Variants in PHLDB1 observed in about 807,000 individuals in gnomAD.
PHLDB1 encodes pleckstrin homology-like domain family B member 1.
Under a neutral mutation model 139.3 loss-of-function variants are expected in PHLDB1, and 65 were observed. The observed-to-expected ratio is 0.47, with a 90% CI of 0.38 to 0.57. The LOEUF is 0.57. PHLDB1 is among the 20% of genes least tolerant of loss of function. The pLI, the probability that PHLDB1 is intolerant of heterozygous loss-of-function variation, is 0.00. For missense variants in PHLDB1, 1,624 were observed against 1,839.7 expected (o/e 0.88, Z 2.14); for synonymous variants, 679 against 734.5 (o/e 0.92, Z 1.22).
chr11:118,628,003 A>G lies in PHLDB1; in HGVS notation c.1180A>G (p.Lys394Glu), dbSNP rs1490445739. 9 of 1,613,730 alleles carry G rather than the reference A, an allele frequency of 5.6e-6. No homozygotes were observed. The highest frequency in any genetic ancestry group is 6.8e-6 in the Non-Finnish European group (8 of 1,180,022). The part of the protein sequence containing the change: ...FQPPVPAPRN[K>E]IGTLQDRPPS... ...GCCTCCAGTCCCTGCTCCCCGAAAC[A>G]AGATTGGCACACTCCAGGACCGCCC... Residue 394 changes from lysine to glutamate, a missense_variant, in exon 6 of 23, where the codon AAG becomes GAG. Coordinates refer to ENST00000600882, the MANE Select transcript of PHLDB1 (RefSeq NM_001144758.3).
intron 6 of PHLDB1, 32 bp from the exon 7 acceptor site, chr11:118,631,175 C>A: frequency 7.2e-7 from 1 of 1,383,084 alleles, no homozygotes; most frequent in South Asian, 2.0e-5. Context: ...AGCTTCCTCC[C>A]CTTCATGTCC....
intron 4 of PHLDB1, among the ~76,000 whole-genome samples, chr11:118,619,473 C>G (rs558179049): frequency 3.3e-5 from 5 of 152,268 alleles, no homozygotes; most frequent in Admixed American, 3.3e-4. Flanking sequence ...CAACCTTTTT[C>G]TGTTATGAGA....
At position 118,656,567 on chromosome 11, in the gene PHLDB1, C is replaced by T. The variant is rs1315940401; in HGVS notation, c.3994-116C>T. The T allele has an allele frequency of 9.1e-6, 9 of 989,070 alleles. No individual in the cohort carries two copies. In the Admixed American group the frequency reaches 1.1e-4, roughly 12 times the overall value. The allele number at this position is 989,070 out of a possible 1,614,324, so 61.3% of individuals were successfully genotyped here. The stretch of plus-strand genomic sequence containing the variant: ...GTCTAGGCTCTGGACCTATTTAGGA[C>T]TAAGCTCCAGGGCTTTCTAGGGGCT... On this transcript the variant is annotated intron_variant, in intron 22 of 22. Transcript: ENST00000600882.
At chr11:118,639,459 A>T in intron 12 of PHLDB1, 15 of 550,248 alleles carry the variant, frequency 2.7e-5, no homozygotes, top group Non-Finnish European at 3.6e-5. Flanking sequence ...TGGGGTTCCC[A>T]GGAGCCTACA....
In PHLDB1 at chr11:118,645,947, G is replaced by A; in HGVS notation, c.3507+122G>A. 5.4e-6 allele frequency: 4 copies of A among 734,422 alleles called. No homozygotes were observed. The highest frequency in any genetic ancestry group is 9.8e-6 in the Non-Finnish European group (4 of 407,406). The allele number at this position is 734,422 out of a possible 1,614,324, so 45.5% of individuals were successfully genotyped here. A position where few individuals can be genotyped will look rare whatever the true frequency, so the allele number is the denominator to read the frequency against. On this transcript the variant is annotated intron_variant, in intron 17 of 22. Coordinates refer to ENST00000600882, the MANE Select transcript of PHLDB1 (RefSeq NM_001144758.3). This position sits in a 1 kb window ranked among gnomAD's most constrained non-coding sequence, Gnocchi z 5.1. ...CACATTAGCCTTGCCACATTCCCTT[G>A]GGGTAGAAAATGTTTTAAAAGGTTG...
In PHLDB1 at chr11:118,650,550, G is replaced by A; in HGVS notation, c.3874+3G>A. 1 of 1,598,910 alleles carries A rather than the reference G, an allele frequency of 6.3e-7. No homozygotes were observed. Among genetic ancestry groups the A allele is most frequent in the African/African-American group, 1.3e-5 (1 of 74,786 alleles). ...GCGCACCCTTTCCTATTATGTGGGT[G>A]AGTTCCCACAAGGCCACCCTGGGGG... On this transcript the variant is annotated splice_donor_region_variant and intron_variant, in intron 20 of 22. Transcript: ENST00000600882. This position sits in a 1 kb window ranked among gnomAD's most constrained non-coding sequence, Gnocchi z 4.7.
intron 3 of PHLDB1, chr11:118,615,227 AAAG>A (rs1266011083): frequency 6.6e-6 from 1 of 152,328 alleles, no homozygotes; most frequent in Non-Finnish European, 1.5e-5. Context: ...AAGAAGAAGA[AAAG>A]AAACCATGAA....
chr11:118,631,437 T>A lies in PHLDB1; in HGVS notation c.2058T>A (p.Asn686Lys). The change falls in exon 7 of 23, where the codon AAT becomes AAA. Residue 686 changes from asparagine (N) to lysine (K), a missense_variant. By Grantham distance (94) the Asn-to-Lys change is moderately conservative. Coordinates refer to ENST00000600882, the MANE Select transcript of PHLDB1 (RefSeq NM_001144758.3). ...WESMERSDEE[N>K]LKEECSSTES... ...GTATGGAGCGCTCAGATGAGGAAAA[T>A]CTCAAGGAGGAGTGCAGCAGCACTG... 1 of 1,440,106 alleles carries A rather than the reference T, an allele frequency of 6.9e-7. No homozygotes were observed. The highest frequency in any genetic ancestry group is 9.1e-7 in the Non-Finnish European group (1 of 1,096,476). The allele number at this position is 1,440,106 out of a possible 1,614,324, so 89.2% of individuals were successfully genotyped here. A position where few individuals can be genotyped will look rare whatever the true frequency, so the allele number is the denominator to read the frequency against.
At position 118,654,760 on chromosome 11, in the gene PHLDB1, C is replaced by T. The variant is rs1948811266; in HGVS notation, c.3875-845C>T. On this transcript the variant is annotated intron_variant, in intron 20 of 22. Transcript: ENST00000600882. Reference sequence around the variant, plus strand: ...GAGACAGAGTTTTGCTCTTTTTGCCCAGGCTGAAGTGCAGTGGCGTGATCT... The same window carrying T: ...GAGACAGAGTTTTGCTCTTTTTGCCTAGGCTGAAGTGCAGTGGCGTGATCT... 8 of 135,208 alleles carry T rather than the reference C, an allele frequency of 5.9e-5. No individual in the cohort carries two copies. In the South Asian group the frequency reaches 1.9e-3, roughly 33 times the overall value. 8.4% of individuals were successfully genotyped at this position (135,208 alleles called of 1,614,324 possible). A position where few individuals can be genotyped will look rare whatever the true frequency, so the allele number is the denominator to read the frequency against.
In PHLDB1 at chr11:118,635,447, C is replaced by T. The variant is rs781873880; in HGVS notation, c.2434C>T (p.Gln812Ter). Residue 812 changes from glutamine (Q) to a stop codon, truncating the protein, a stop_gained, in exon 10 of 23, where the codon CAG (glutamine) becomes TAG (stop). Transcript: ENST00000600882. LOFTEE classifies it high-confidence loss of function. ...GCTCTTTGAGGACTTGGAGTTCCAG[C>T]AGTTGGAGCGGGAGAGCCGCGTGGA... ...TKLFEDLEFQQLERESRVEEE... is the reference protein window; with the variant it reads ...TKLFEDLEFQ 3 of 1,612,072 alleles carry T rather than the reference C, an allele frequency of 1.9e-6. No homozygotes were observed. The highest frequency in any genetic ancestry group is 2.5e-6 in the Non-Finnish European group (3 of 1,179,292).
rs781924614 is a variant in PHLDB1, at chr11:118,647,921, T to TG, written c.3508-4dup. The TG allele has an allele frequency of 3.2e-6, 5 of 1,560,508 alleles. No homozygotes were observed. The East Asian group carries it at 1.2e-4, about 38-fold the overall frequency. On this transcript the variant is annotated splice_polypyrimidine_tract_variant and intron_variant, in intron 17 of 22. Transcript: ENST00000600882. Reference sequence around the variant, plus strand: ...GCCATAGGTGCTGACCCCTTGGCTTTGGGGGCAGGAGCGGGAGATGGAGCT... The same window carrying TG: ...GCCATAGGTGCTGACCCCTTGGCTTTGGGGGGCAGGAGCGGGAGATGGAGCT...
At chr11:118,638,608 T>A (rs1555117300) in intron 10 of PHLDB1, among the ~76,000 whole-genome samples, 1 of 152,114 alleles carries the variant, frequency 6.6e-6, no homozygotes, top group East Asian at 1.9e-4. Context: ...GGAGTGTCTC[T>A]AGGCTTTGGG....
In PHLDB1 at chr11:118,643,956, G is replaced by A. The variant is rs1555124167; in HGVS notation, c.3018+16G>A. 1.3e-6 allele frequency: 2 copies of A among 1,592,418 alleles called. No individual in the cohort carries two copies. Among genetic ancestry groups the A allele is most frequent in the South Asian group, 2.3e-5 (2 of 86,726 alleles). On this transcript the variant is annotated intron_variant, in intron 14 of 22. Coordinates refer to ENST00000600882, the MANE Select transcript of PHLDB1 (RefSeq NM_001144758.3). The stretch of plus-strand genomic sequence containing the variant: ...CTCCCCAAAGGTCTGAGGACAGTGG[G>A]TGGGGCTGCACATGTGGCTGGGGAT...
In PHLDB1 at chr11:118,628,220, G is replaced by C. The variant is rs140294013; in HGVS notation, c.1397G>C (p.Arg466Pro). The C allele has an allele frequency of 6.2e-7, 1 of 1,614,048 alleles. No individual in the cohort carries two copies. Among genetic ancestry groups the C allele is most frequent in the Non-Finnish European group, 8.5e-7 (1 of 1,179,984 alleles). The part of the protein sequence containing the change: ...ELPPLSPSLS[R>P]RALSPLPTRT... ...CCCCCCTTAAGTCCATCTCTGTCCC[G>C]GCGAGCTCTCTCCCCGCTGCCCACC... The change falls in exon 6 of 23, where the codon CGG (arginine) becomes CCG (proline). Residue 466 changes from arginine (R) to proline (P), a missense_variant. By Grantham distance (103) the Arg-to-Pro change is moderately radical. Coordinates refer to ENST00000600882, the MANE Select transcript of PHLDB1 (RefSeq NM_001144758.3).
chr11:118,622,764 G>T (rs1353091865), intron 4 of PHLDB1, among the ~76,000 whole-genome samples: 1 of 152,164 alleles, frequency 6.6e-6, no homozygotes, highest in Non-Finnish European at 1.5e-5. Flanking sequence ...AGGGGGAGGG[G>T]CTTGACAGGG....
In PHLDB1 at chr11:118,632,816, C is replaced by T; in HGVS notation, c.2379+520C>T. On this transcript the variant is annotated intron_variant, in intron 9 of 22. Coordinates refer to ENST00000600882, the MANE Select transcript of PHLDB1 (RefSeq NM_001144758.3). This position sits in a 1 kb window ranked among gnomAD's most constrained non-coding sequence, Gnocchi z 5.9. ...CCCCTGCCCCTTTCAGATTTCGTGC[C>T]AGCCTGCAGGGGCCACTCCCAGATG... 7 of 984,346 alleles carry T rather than the reference C, an allele frequency of 7.1e-6. No individual in the cohort carries two copies. Among genetic ancestry groups the T allele is most frequent in the Non-Finnish European group, 7.2e-6 (6 of 828,146 alleles). 61.0% of individuals were successfully genotyped at this position (984,346 alleles called of 1,614,324 possible). A position where few individuals can be genotyped will look rare whatever the true frequency, so the allele number is the denominator to read the frequency against.
Position 118,645,379 on chromosome 11 carries a change from C to T in PHLDB1, c.3145C>T (p.Arg1049Trp), listed in dbSNP as rs749012684. The T allele has an allele frequency of 3.1e-5, 47 of 1,519,884 alleles. No homozygotes were observed. Among genetic ancestry groups the T allele is most frequent in the South Asian group, 5.3e-5 (4 of 75,520 alleles). 94.1% of individuals were successfully genotyped at this position (1,519,884 alleles called of 1,614,324 possible). Residue 1049 changes from arginine to tryptophan, a missense_variant, in exon 16 of 23, where the codon CGG becomes TGG. Arg to Trp is a moderately radical substitution (Grantham distance 101). Coordinates refer to ENST00000600882, the MANE Select transcript of PHLDB1 (RefSeq NM_001144758.3). The surrounding 1 kb of genome is among the most constrained non-coding windows in gnomAD (Gnocchi z 5.1). ...QKGQQVIEEQ[R>W]RRLAELKQKA... ...AGGACAACAAGTGATTGAAGAGCAG[C>T]GGCGGCGACTGGCTGAGCTGAAGCA...
In PHLDB1 at chr11:118,628,657, G is replaced by A. The variant is rs1449547183; in HGVS notation, c.1827+7G>A. On this transcript the variant is annotated splice_region_variant and intron_variant, in intron 6 of 22. Coordinates refer to ENST00000600882, the MANE Select transcript of PHLDB1 (RefSeq NM_001144758.3). ...GCAGGAGATGGAGAGGCTGGTGAGC[G>A]GGTGCCAGGGAGGCTTGCCACTGTC... 13 of 1,603,130 alleles carry A rather than the reference G, an allele frequency of 8.1e-6. No individual in the cohort carries two copies. Among genetic ancestry groups the A allele is most frequent in the Middle Eastern group, 1.7e-4 (1 of 6,030 alleles).
chr11:118,632,162 G>T lies in PHLDB1; in HGVS notation c.2245G>T (p.Glu749Ter). 1 of 1,614,024 alleles carries T rather than the reference G, an allele frequency of 6.2e-7. No homozygotes were observed. The highest frequency in any genetic ancestry group is 8.5e-7 in the Non-Finnish European group (1 of 1,179,928). Residue 749 changes from glutamate (E) to a stop codon, truncating the protein, a stop_gained, in exon 9 of 23, where the codon GAA (glutamate) becomes TAA (stop). Transcript: ENST00000600882. LOFTEE classifies it high-confidence loss of function. The surrounding 1 kb of genome is among the most constrained non-coding windows in gnomAD (Gnocchi z 5.9). ...QQLQESAREA[E>*]MERALLQGER... Reference sequence around the variant, plus strand: ...GGACCCTGGTGTCTGCCCCCAGGCCGAAATGGAGCGGGCACTGCTGCAGGG... The same window carrying T: ...GGACCCTGGTGTCTGCCCCCAGGCCTAAATGGAGCGGGCACTGCTGCAGGG...
Sources: gnomAD v4.1 joint callset for allele counts (sites outside exome capture counted in the v4.1 genomes callset) on GRCh38, gnomAD v4.1.1 for gene constraint, Gnocchi (gnomAD v3.1) non-coding constraint, MANE v1.5 for transcripts, NCBI Gene and HGNC (gene_info 2026-07-23, HGNC 2026-07-21) for gene names.